The following SYTL3 variants were observed in gnomAD, a reference collection of about 807,000 sequenced individuals.
SYTL3 encodes the protein synaptotagmin like 3.
Under a neutral mutation model 82.1 loss-of-function variants are expected in SYTL3, and 88 were observed. The ratio of observed to expected loss-of-function variants is 1.07; its 90% confidence interval spans 0.90 to 1.28. The LOEUF (loss-of-function observed/expected upper bound fraction) is 1.28. Ranked by LOEUF, SYTL3 falls within the 50% of genes most tolerant of loss-of-function variation. The pLI is 0.00. For missense variants in SYTL3, 831 were observed against 757.6 expected, an observed-to-expected ratio of 1.10 and a Z score of -1.14; for synonymous variants, 311 against 289.4, an observed-to-expected ratio of 1.07 and a Z score of -0.76.
chr6:158,680,231 C>G (rs942182118), intron 5 of SYTL3, among the ~76,000 whole-genome samples: 3 of 152,140 alleles, frequency 2.0e-5, no homozygotes, highest in Non-Finnish European at 4.4e-5. Flanking sequence ...TGGACTTGCC[C>G]TGATTTTTTA....
intron 12 of SYTL3, among the ~76,000 whole-genome samples, chr6:158,748,071 T>C (rs1237269689): frequency 1.5e-5 from 2 of 137,674 alleles, no homozygotes; most frequent in Non-Finnish European, 3.1e-5. Flanking sequence ...TTTCTTCTTA[T>C]CGTTTTTTTT....
chr6:158,753,786 A>C (rs546895433), intron 13 of SYTL3, among the ~76,000 whole-genome samples: 1 of 152,000 alleles, frequency 6.6e-6, no homozygotes, highest in African/African-American at 2.4e-5. Flanking sequence ...ACCTACCTTA[A>C]AATGTACACA....
chr6:158,692,970 G>A (rs79143486), intron 6 of SYTL3, among the ~76,000 whole-genome samples: 6 of 151,444 alleles, frequency 4.0e-5, no homozygotes, highest in South Asian at 2.1e-4. Context: ...AAAAAAAAAA[G>A]CAGGTGTCAG....
chr6:158,700,198 G>T (rs1029301017), intron 6 of SYTL3, among the ~76,000 whole-genome samples: 2 of 152,140 alleles, frequency 1.3e-5, no homozygotes, highest in African/African-American at 2.4e-5. Context: ...AGAGGTTGCG[G>T]TGAGCCGAGA....
intron 11 of SYTL3, among the ~76,000 whole-genome samples, chr6:158,742,956 A>G (rs1787127742): frequency 6.6e-6 from 1 of 152,106 alleles, no homozygotes; most frequent in Non-Finnish European, 1.5e-5. Context: ...CCTTGAGGAA[A>G]AGGCAGCATC....
intron 8 of SYTL3, among the ~76,000 whole-genome samples, chr6:158,709,342 A>G (rs1782498049): frequency 6.6e-6 from 1 of 152,244 alleles, no homozygotes; most frequent in Non-Finnish European, 1.5e-5. Context: ...GGGCAGAATC[A>G]TTTAATGCAG....
At chr6:158,700,612 G>A (rs1781083081) in intron 6 of SYTL3, among the ~76,000 whole-genome samples, 2 of 152,032 alleles carry the variant, frequency 1.3e-5, no homozygotes, top group South Asian at 2.1e-4. Context: ...GATGTTGTAT[G>A]TATGTATGTA....
chr6:158,743,830 C>T (rs1787249897), intron 11 of SYTL3, among the ~76,000 whole-genome samples: 1 of 152,014 alleles, frequency 6.6e-6, no homozygotes, highest in Non-Finnish European at 1.5e-5. Flanking sequence ...TTTTCAGAGC[C>T]AGTGACTGGA....
At chr6:158,668,368 G>A (rs571566015) in intron 5 of SYTL3, among the ~76,000 whole-genome samples, 1 of 152,254 alleles carries the variant, frequency 6.6e-6, no homozygotes, top group African/African-American at 2.4e-5. Flanking sequence ...AGCTGGGATT[G>A]CAGGCACCTG....
chr6:158,745,701 C>T (rs779611702), intron 12 of SYTL3, 43 bp downstream of exon 12: 4 of 1,360,324 alleles, frequency 2.9e-6, no homozygotes, highest in Admixed American at 2.7e-5. Flanking sequence ...ATATTGATTC[C>T]AAAATGTATA....
upstream of SYTL3, among the ~76,000 whole-genome samples, chr6:158,647,045 A>G (rs974429202): frequency 5.3e-5 from 8 of 152,196 alleles, no homozygotes; most frequent in Non-Finnish European, 1.0e-4. Context: ...AACACCTGCA[A>G]TGGAAGAACA....
intron 13 of SYTL3, among the ~76,000 whole-genome samples, chr6:158,753,407 C>T (rs1282493523): frequency 6.6e-6 from 1 of 151,910 alleles, no homozygotes; most frequent in African/African-American, 2.4e-5. Flanking sequence ...CTAAGATGCC[C>T]CTGTACTTAG....
chr6:158,746,195 C>T (rs1473237116), intron 12 of SYTL3, among the ~76,000 whole-genome samples: 1 of 151,934 alleles, frequency 6.6e-6, no homozygotes, highest in African/African-American at 2.4e-5. Context: ...TTCCCAGAGA[C>T]CCTACCTCCT....
chr6:158,673,602 C>T (rs1216033747), intron 5 of SYTL3, among the ~76,000 whole-genome samples: 1 of 151,236 alleles, frequency 6.6e-6, no homozygotes, highest in East Asian at 2.0e-4. Flanking sequence ...ACCATGCCCC[C>T]CTAATTTTTT....
chr6:158,717,710 T>G (rs1783585487), intron 9 of SYTL3, among the ~76,000 whole-genome samples: 1 of 152,176 alleles, frequency 6.6e-6, no homozygotes. Flanking sequence ...AAGGAACCCC[T>G]AGAAAGCCGG....
chr6:158,763,887 C>A (rs1052799218), intron 17 of SYTL3, among the ~76,000 whole-genome samples: 1 of 152,200 alleles, frequency 6.6e-6, no homozygotes, highest in African/African-American at 2.4e-5. Flanking sequence ...GCAGTGCTGT[C>A]CAGAGCCGCT....
At chr6:158,716,427 C>T (rs1203181835) in intron 9 of SYTL3, among the ~76,000 whole-genome samples, 1 of 152,150 alleles carries the variant, frequency 6.6e-6, no homozygotes, top group African/African-American at 2.4e-5. Flanking sequence ...AATTAGAGCC[C>T]CTCACAGCCT....
chr6:158,686,797 C>T (rs747222877), intron 6 of SYTL3, among the ~76,000 whole-genome samples: 2 of 152,160 alleles, frequency 1.3e-5, no homozygotes, highest in Non-Finnish European at 2.9e-5. Context: ...CTGCAGGAGG[C>T]AGACACCCTC....
intron 6 of SYTL3, among the ~76,000 whole-genome samples, chr6:158,693,821 G>A (rs1313241895): frequency 1.4e-5 from 2 of 146,304 alleles, no homozygotes; most frequent in Admixed American, 1.4e-4. Flanking sequence ...GGGATTACAG[G>A]TGTGCCACTG....
Sources: allele counts gnomAD v4.1 joint callset (sites outside exome capture counted in the v4.1 genomes callset), GRCh38; gene constraint gnomAD v4.1.1; transcripts MANE v1.5; gene names NCBI Gene and HGNC (gene_info 2026-07-23, HGNC 2026-07-21).